The following FAM227B variants were observed in gnomAD, a reference collection of about 807,000 sequenced individuals.
The protein encoded by FAM227B is protein FAM227B.
FAM227B carries 88 observed loss-of-function variants against 73.8 expected under a neutral mutation model. The ratio of observed to expected loss-of-function variants is 1.19; its 90% CI spans 1.00 to 1.42. The LOEUF (loss-of-function observed/expected upper bound fraction) is 1.42, where lower values mean the gene tolerates loss of function less well. FAM227B is among the 40% of genes most tolerant of loss of function. The probability of loss-of-function intolerance (pLI) is 0.00; values close to 1 mark genes in which losing one functional copy is unlikely to be tolerated. For synonymous variants in FAM227B, 210 were observed against 190.5 expected (o/e 1.10, Z -0.84); for missense variants, 632 against 590.9 (o/e 1.07, Z -0.72).
intron 11 of FAM227B, among the ~76,000 whole-genome samples, chr15:49,464,568 T>C (rs752936740): frequency 1.3e-5 from 2 of 152,200 alleles, no homozygotes; most frequent in African/African-American, 4.8e-5. Context: ...TGACTTTTAA[T>C]GTATTGAATT....
At chr15:49,384,629 A>G (rs763697258) in intron 11 of FAM227B, among the ~76,000 whole-genome samples, 3 of 152,024 alleles carry the variant, frequency 2.0e-5, no homozygotes, top group Non-Finnish European at 2.9e-5. Context: ...TTAAACAGTC[A>G]TATTATACCA....
intron 11 of FAM227B, among the ~76,000 whole-genome samples, chr15:49,434,820 G>A (rs1159487046): frequency 2.6e-5 from 4 of 151,188 alleles, no homozygotes; most frequent in East Asian, 3.9e-4. Context: ...TCTGGCAAGG[G>A]AAAACATCAA....
chr15:49,404,803 CATG>C (rs2048405831), intron 11 of FAM227B, among the ~76,000 whole-genome samples: 1 of 150,962 alleles, frequency 6.6e-6, no homozygotes, highest in African/African-American at 2.4e-5. Context: ...ATCCTGTCAT[CATG>C]ATGTTAGCTG....
intron 9 of FAM227B, among the ~76,000 whole-genome samples, chr15:49,567,178 T>C (rs1372648878): frequency 6.6e-6 from 1 of 152,156 alleles, no homozygotes; most frequent in Non-Finnish European, 1.5e-5. Flanking sequence ...GCTGTTTTTG[T>C]GATCTTTAGA....
chr15:49,351,375 C>G (rs1250812563), intron 13 of FAM227B, among the ~76,000 whole-genome samples: 1 of 152,172 alleles, frequency 6.6e-6, no homozygotes, highest in Non-Finnish European at 1.5e-5. Context: ...CAATTCCGCC[C>G]AAACTCTGGA....
chr15:49,420,580 GT>G (rs1296773278), intron 11 of FAM227B, among the ~76,000 whole-genome samples: 1 of 152,124 alleles, frequency 6.6e-6, no homozygotes, highest in African/African-American at 2.4e-5. Context: ...AATTATCTAT[GT>G]TTTGGGGAAG....
intron 11 of FAM227B, among the ~76,000 whole-genome samples, chr15:49,472,909 GTACCA>G (rs80193461): frequency 0.25 from 38,328 of 151,750 alleles, 5,628 homozygotes; most frequent in Non-Finnish European, 0.34. Flanking sequence ...AATTTTTTGG[GTACCA>G]TACATTTTAA....
At chr15:49,615,099 A>C in intron 2 of FAM227B, 22 bp downstream of exon 2, 1 of 1,607,582 alleles carries the variant, frequency 6.2e-7, no homozygotes. Flanking sequence ...AAGTGAACAT[A>C]AAGCTGTGGA....
chr15:49,615,127 G>C lies in FAM227B; in HGVS notation c.45C>G (p.Gly15=). Residue 15 remains glycine, a synonymous_variant, in exon 2 of 16, where the codon GGC becomes GGG. Transcript: ENST00000299338. ...RTCQRRSSRA[G]PGKMQEPPKS... ...GCTGTGGAAGCTTCCTTACCCCGGG[G>C]CCAGCTCTGCTGCTCCTCCTTTGAC... 6.2e-7 allele frequency: 1 copy of C among 1,613,806 alleles called. No individual in the cohort carries two copies. The highest frequency in any genetic ancestry group is 8.5e-7 in the Non-Finnish European group (1 of 1,179,712).
At chr15:49,393,039 A>C (rs142501648) in intron 11 of FAM227B, among the ~76,000 whole-genome samples, 5,804 of 152,300 alleles carry the variant, frequency 0.038, 166 homozygotes, top group Admixed American at 0.064. Flanking sequence ...GGAGCAAAGG[A>C]GTACATAGTT....
chr15:49,524,793 T>A (rs1379893410), intron 10 of FAM227B, among the ~76,000 whole-genome samples: 2 of 152,198 alleles, frequency 1.3e-5, no homozygotes, highest in Non-Finnish European at 2.9e-5. Context: ...ATGTGAGACA[T>A]GGAGTCAAAG....
At chr15:49,436,067 A>C (rs2051078331) in intron 11 of FAM227B, among the ~76,000 whole-genome samples, 1 of 151,564 alleles carries the variant, frequency 6.6e-6, no homozygotes, top group Non-Finnish European at 1.5e-5. Flanking sequence ...CGGAAGAAAA[A>C]AAAGACCCTC....
chr15:49,528,985 A>G (rs185128084), intron 10 of FAM227B, among the ~76,000 whole-genome samples: 115 of 151,908 alleles, frequency 7.6e-4, no homozygotes, highest in Non-Finnish European at 1.4e-3. Context: ...ATAAACCCAA[A>G]GGAAAGCAAA....
chr15:49,371,319 A>G lies in FAM227B; in HGVS notation c.1093T>C (p.Ser365Pro), dbSNP rs758038600. ...LPISKEESRL[S>P]RLATKSHYSS... ...CTCCAAACCTTTGTTGCTAGTCTTG[A>G]TAATCTTGATTCTTCCTTGGATATG... The change falls in exon 12 of 16, where the codon TCA becomes CCA. Residue 365 changes from serine (S) to proline (P), a missense_variant. Coordinates refer to ENST00000299338, the MANE Select transcript of FAM227B (RefSeq NM_152647.3). The G allele has an allele frequency of 2.3e-5, 37 of 1,592,784 alleles. No individual in the cohort carries two copies. The highest frequency in any genetic ancestry group is 3.2e-5 in the Non-Finnish European group (37 of 1,163,856).
chr15:49,483,039 T>C lies in FAM227B; in HGVS notation c.1012+25172A>G, dbSNP rs1257392477. On this transcript the variant is annotated intron_variant, in intron 11 of 15. Transcript: ENST00000299338. Reference sequence around the variant, plus strand: ...GTCTTGGGCTGAGTAAATAATCACATTAAAAATTTTAAAAACTTCCGATTA... The same window carrying C: ...GTCTTGGGCTGAGTAAATAATCACACTAAAAATTTTAAAAACTTCCGATTA... The C allele has an allele frequency of 5.6e-5, 40 of 713,788 alleles. 2 individuals carry two copies. The highest frequency in any genetic ancestry group is 4.7e-4 in the South Asian group (32 of 67,390). 44.2% of individuals were successfully genotyped at this position (713,788 alleles called of 1,614,324 possible).
chr15:49,373,112 G>C (rs1273136824), intron 11 of FAM227B, among the ~76,000 whole-genome samples: 5 of 151,410 alleles, frequency 3.3e-5, no homozygotes, highest in African/African-American at 1.2e-4. Flanking sequence ...TTAATTTCTA[G>C]TCTTCTATGA....
intron 11 of FAM227B, chr15:49,424,650 T>G: frequency 8.3e-7 from 1 of 1,211,030 alleles, no homozygotes; most frequent in East Asian, 2.5e-5. Context: ...TCAGGTGATA[T>G]GTTTTCTCAT....
At chr15:49,584,943 C>T (rs565309390) in intron 5 of FAM227B, among the ~76,000 whole-genome samples, 1 of 152,260 alleles carries the variant, frequency 6.6e-6, no homozygotes, top group South Asian at 2.1e-4. Flanking sequence ...ACCTACTCAT[C>T]TGACAAAGGG....
At chr15:49,425,296 C>G (rs993076022) in intron 11 of FAM227B, 2 of 151,826 alleles carry the variant, frequency 1.3e-5, no homozygotes, top group East Asian at 3.9e-4. Context: ...GATGGTAATT[C>G]CATGTTTTTC....
Sources: allele counts gnomAD v4.1 joint callset (sites outside exome capture counted in the v4.1 genomes callset), GRCh38; gene constraint gnomAD v4.1.1; transcripts MANE v1.5; gene names NCBI Gene and HGNC (gene_info 2026-07-23, HGNC 2026-07-21).